ABLIM1: variants seen among roughly 807,000 people sequenced by gnomAD.
ABLIM1 encodes the protein actin binding LIM protein 1.
Under a neutral mutation model 107.0 loss-of-function variants are expected in ABLIM1, and 40 were observed. The ratio of observed to expected loss-of-function variants is 0.37; its 90% CI spans 0.29 to 0.49. The LOEUF is 0.49. ABLIM1 is among the 20% of genes least tolerant of loss of function. The pLI is 0.97. For missense variants in ABLIM1, 857 were observed against 1,008.5 expected (o/e 0.85, Z 2.04); for synonymous variants, 357 against 357.3 (o/e 1.00, Z 0.01).
chr10:114,618,985 G>A (rs1053735868), intron 1 of ABLIM1, among the ~76,000 whole-genome samples: 1 of 152,046 alleles, frequency 6.6e-6, no homozygotes, highest in African/African-American at 2.4e-5. Flanking sequence ...AAGTCCAAGT[G>A]CTTTTTGAAT....
intron 6 of ABLIM1, among the ~76,000 whole-genome samples, chr10:114,531,133 C>T (rs984703662): frequency 6.6e-6 from 1 of 152,210 alleles, no homozygotes; most frequent in Non-Finnish European, 1.5e-5. Context: ...CTGAAATAAT[C>T]CCATATAACT....
chr10:114,450,369 C>T (rs567803090), intron 14 of ABLIM1, among the ~76,000 whole-genome samples: 28 of 150,194 alleles, frequency 1.9e-4, no homozygotes, highest in African/African-American at 6.3e-4. Flanking sequence ...AAATTTTTTT[C>T]CTTACGCATT....
At chr10:114,690,246 A>G in intron 1 of ABLIM1, 1 of 1,500,088 alleles carries the variant, frequency 6.7e-7, no homozygotes, top group Admixed American at 1.7e-5. Flanking sequence ...GCCTTCTTTC[A>G]TCTTGCCAAA....
chr10:114,621,803 A>C (rs1236406013), intron 1 of ABLIM1, among the ~76,000 whole-genome samples: 7 of 152,244 alleles, frequency 4.6e-5, no homozygotes, highest in African/African-American at 1.7e-4. Context: ...CACAGATAAG[A>C]GACCTCAAGA....
intron 9 of ABLIM1, 144 bp downstream of exon 9, chr10:114,473,735 C>G (rs2067025279): frequency 1.7e-6 from 1 of 601,268 alleles, no homozygotes; most frequent in Admixed American, 3.0e-5. Context: ...ATTGAGGAGA[C>G]TGTTCTACAA....
chr10:114,741,096 A>G (rs1328671285), intron 1 of ABLIM1, among the ~76,000 whole-genome samples: 1 of 151,758 alleles, frequency 6.6e-6, no homozygotes, highest in Non-Finnish European at 1.5e-5. Context: ...GGTGATACAT[A>G]GACTGAAAAT....
chr10:114,559,530 C>G (rs1014674531), intron 4 of ABLIM1, among the ~76,000 whole-genome samples: 1 of 151,726 alleles, frequency 6.6e-6, no homozygotes, highest in African/African-American at 2.4e-5. Flanking sequence ...AAAGTTCTGG[C>G]CATGGCTGTA....
At position 114,440,034 on chromosome 10, in the gene ABLIM1, G is replaced by C. The variant is rs188316225; in HGVS notation, c.2067+48C>G. The C allele has an allele frequency of 3.0e-5, 48 of 1,613,548 alleles. No homozygotes were observed. In the Admixed American group the frequency reaches 5.5e-4, roughly 18 times the overall value. Reference sequence around the variant, plus strand: ...AGCCAGCAGTCTGGGTTGGAACATGGCTGTTCTATCGGTGTGGCCAATTCA... The same window carrying C: ...AGCCAGCAGTCTGGGTTGGAACATGCCTGTTCTATCGGTGTGGCCAATTCA... On this transcript the variant is annotated intron_variant, in intron 20 of 22. Transcript: ENST00000533213.
rs111634193 is a variant in ABLIM1, at chr10:114,633,531, C to T, written c.244+24426G>A. 5.1e-3 allele frequency among the ~76,000 whole-genome samples: 780 copies of T among 152,264 alleles called. 7 individuals carry two copies. The highest frequency in any genetic ancestry group is 0.018 in the African/African-American group (743 of 41,526). ...TCTTTTCTATGACAACATACTTCGC[C>T]CACACCACTCCCCGCACCCATGGCA... On this transcript the variant is annotated intron_variant, in intron 1 of 22. Transcript: ENST00000533213.
intron 2 of ABLIM1, among the ~76,000 whole-genome samples, chr10:114,578,035 G>C (rs1191689422): frequency 6.6e-6 from 1 of 152,022 alleles, no homozygotes; most frequent in East Asian, 1.9e-4. Context: ...CTCAGTCTCA[G>C]TGGCCAGGCC....
intron 1 of ABLIM1, among the ~76,000 whole-genome samples, chr10:114,669,723 A>G (rs909063053): frequency 6.6e-6 from 1 of 152,196 alleles, no homozygotes; most frequent in Non-Finnish European, 1.5e-5. Context: ...AAAGCTAACA[A>G]AAATAGCCTG....
At chr10:114,509,464 G>A (rs2061564126) in intron 6 of ABLIM1, among the ~76,000 whole-genome samples, 1 of 151,964 alleles carries the variant, frequency 6.6e-6, no homozygotes, top group Non-Finnish European at 1.5e-5. Context: ...ATCCTTTGAG[G>A]TTCCTCTGCC....
At chr10:114,492,056 C>T (rs762285394) in intron 6 of ABLIM1, among the ~76,000 whole-genome samples, 178 bp from the exon 7 acceptor site, 7 of 151,928 alleles carry the variant, frequency 4.6e-5, no homozygotes, top group African/African-American at 1.2e-4. Flanking sequence ...TCACTGAAAT[C>T]GGGAGGGGCT....
intron 6 of ABLIM1, among the ~76,000 whole-genome samples, chr10:114,535,878 A>G (rs1228355336): frequency 1.3e-5 from 2 of 152,144 alleles, no homozygotes; most frequent in Non-Finnish European, 2.9e-5. Context: ...CTGTACACAG[A>G]GGGTTGACTT....
intron 2 of ABLIM1, among the ~76,000 whole-genome samples, chr10:114,582,335 G>A (rs1349042184): frequency 2.0e-5 from 3 of 152,016 alleles, no homozygotes; most frequent in Non-Finnish European, 4.4e-5. Flanking sequence ...CAAGGAGAAT[G>A]AAACACTGCT....
intron 2 of ABLIM1, among the ~76,000 whole-genome samples, chr10:114,582,246 G>T (rs1260309978): frequency 1.3e-5 from 2 of 152,094 alleles, no homozygotes; most frequent in South Asian, 2.1e-4. Flanking sequence ...GCCAAGTCAA[G>T]AATTCAATCC....
At chr10:114,608,180 C>A (rs1359543494) in intron 1 of ABLIM1, among the ~76,000 whole-genome samples, 1 of 152,144 alleles carries the variant, frequency 6.6e-6, no homozygotes, top group African/African-American at 2.4e-5. Flanking sequence ...GCCTGGCCAA[C>A]ATGGTAAGAC....
chr10:114,437,337 T>A (rs1182965782), intron 22 of ABLIM1, among the ~76,000 whole-genome samples: 1 of 151,118 alleles, frequency 6.6e-6, no homozygotes, highest in Non-Finnish European at 1.5e-5. Flanking sequence ...TTTTTTTTTT[T>A]AGACGGAGTC....
intron 1 of ABLIM1, among the ~76,000 whole-genome samples, chr10:114,606,770 T>G (rs936982184): frequency 2.4e-4 from 37 of 152,154 alleles, no homozygotes; most frequent in African/African-American, 8.4e-4. Context: ...TGTCAACCCC[T>G]TCTTAGAAAT....
Sources: gnomAD v4.1 joint callset for allele counts (sites outside exome capture counted in the v4.1 genomes callset) on GRCh38, gnomAD v4.1.1 for gene constraint, MANE v1.5 for transcripts, NCBI Gene and HGNC (gene_info 2026-07-23, HGNC 2026-07-21) for gene names.